Variants in TMEM86B observed in about 807,000 individuals in gnomAD.
TMEM86B encodes the protein transmembrane protein 86B.
In TMEM86B, 15 loss-of-function variants were observed where a neutral mutation model predicts 12.3. The observed-to-expected ratio is 1.22, with a 90% CI of 0.81 to 1.87. The LOEUF is 1.87. Among genes scored for constraint, TMEM86B ranks in the 40% most tolerant of loss-of-function variants. The pLI is 0.00. For missense variants in TMEM86B, 328 were observed against 297.4 expected (o/e 1.10, Z -0.76); for synonymous variants, 173 against 140.3 (o/e 1.23, Z -1.65).
rs1568940635 is a variant in TMEM86B at position 55,228,372 on chromosome 19, C to A, written c.117G>T (p.Trp39Cys). ...ILSCCVYFCL[W>C]IPEDQLSWFA... ...ACCAGGACAGCTGGTCCTCGGGAATCCAGAGGCAGAAGTACACGCAGCAGG... is the reference window on the plus strand; with the variant it reads ...ACCAGGACAGCTGGTCCTCGGGAATACAGAGGCAGAAGTACACGCAGCAGG... The change falls in exon 2 of 3, where the codon TGG becomes TGT. Residue 39 changes from tryptophan (W) to cysteine (C), a missense_variant. Trp to Cys is a radical substitution (Grantham distance 215). Transcript: ENST00000327042. 6.2e-7 allele frequency: 1 copy of A among 1,613,922 alleles called. No homozygotes were observed. Among genetic ancestry groups the A allele is most frequent in the East Asian group, 2.2e-5 (1 of 44,880 alleles).
rs1054233900 is a variant in TMEM86B, at chr19:55,227,571, G to A, written c.299-8C>T. ...TGGCAAAGGCGGCCATGCCTGGCGG[G>A]AGAGGGGTGGGGTACCAGTGAGGAA... is the stretch of plus-strand genomic sequence containing the variant. On this transcript the variant is annotated splice_polypyrimidine_tract_variant and splice_region_variant and intron_variant, in intron 2 of 2. Coordinates refer to ENST00000327042, the MANE Select transcript of TMEM86B (RefSeq NM_173804.5). 2 of 1,517,254 alleles carry A rather than the reference G, an allele frequency of 1.3e-6. No individual in the cohort carries two copies. Among genetic ancestry groups the A allele is most frequent in the Middle Eastern group, 2.3e-4 (1 of 4,430 alleles). The allele number at this position is 1,517,254 out of a possible 1,614,324, so 94.0% of individuals were successfully genotyped here.
At chr19:55,228,616 C>T (rs113343347) in intron 1 of TMEM86B, 75 bp downstream of exon 1, 4 of 1,549,368 alleles carry the variant, frequency 2.6e-6, no homozygotes, top group African/African-American at 1.4e-5. Context: ...AGGACAGCAG[C>T]TCCCAGACCC....
At chr19:55,227,699 C>T (rs768136750) in intron 2 of TMEM86B, 136 bp from the exon 3 acceptor site, 41 of 1,155,896 alleles carry the variant, frequency 3.5e-5, no homozygotes, top group Non-Finnish European at 4.7e-5. Context: ...TGCAGGTCTC[C>T]CCACATGCAG....
Position 55,228,416 on chromosome 19 carries a change from G to A in TMEM86B, c.73C>T (p.Leu25=), listed in dbSNP as rs1432000911. 6.2e-7 allele frequency: 1 copy of A among 1,612,834 alleles called. No individual in the cohort carries two copies. Residue 25 remains leucine (L), a synonymous_variant, in exon 2 of 3, where the codon CTG becomes TTG. Transcript: ENST00000327042. ...CAGCAGGAGAGGATGAAGGGGCTCA[G>A]CCACCTGCAGACATCTGGGCGCTTT... ...SAQRPDVCRW[L]SPFILSCCVY...
intron 1 of TMEM86B, 53 bp downstream of exon 1, chr19:55,228,638 G>T: frequency 6.3e-7 from 1 of 1,585,370 alleles, no homozygotes; most frequent in Non-Finnish European, 8.6e-7. Flanking sequence ...CCGGCTGCTG[G>T]GGTTCCAGGG....
rs1455056086 is a variant in TMEM86B at position 55,227,105 on chromosome 19, C to CAGGCT, written c.*71_*75dup. The CAGGCT allele has an allele frequency of 7.3e-7, 1 of 1,362,376 alleles. No individual in the cohort carries two copies. The highest frequency in any genetic ancestry group is 9.5e-7 in the Non-Finnish European group (1 of 1,049,134). 84.4% of individuals were successfully genotyped at this position (1,362,376 alleles called of 1,614,324 possible). A position where few individuals can be genotyped will look rare whatever the true frequency, so the allele number is the denominator to read the frequency against. On this transcript the variant is annotated 3_prime_UTR_variant, in exon 3 of 3. Coordinates refer to ENST00000327042, the MANE Select transcript of TMEM86B (RefSeq NM_173804.5). ...AAGCTTCGCTGCTGAGGGTATTTCT[C>CAGGCT]AGGCTGGGCTGGGCTGGGAGGCCCA...
chr19:55,228,056 G>A, intron 2 of TMEM86B, 135 bp downstream of exon 2: 1 of 1,410,304 alleles, frequency 7.1e-7, no homozygotes, highest in Non-Finnish European at 9.3e-7. Context: ...AGCTGCCTCG[G>A]TCACGGCTGC....
Position 55,228,683 on chromosome 19 carries a change from G to A in TMEM86B, c.51+8C>T. ...CCCAGCCCCAGGCACAGCTCAGAAGGCTCTCACCTGGGCTGAGCAGTGAGT... is the reference window on the plus strand; with the variant it reads ...CCCAGCCCCAGGCACAGCTCAGAAGACTCTCACCTGGGCTGAGCAGTGAGT... On this transcript the variant is annotated splice_region_variant and intron_variant, in intron 1 of 2. Transcript: ENST00000327042. The A allele has an allele frequency of 1.2e-6, 2 of 1,611,934 alleles. No individual in the cohort carries two copies. The highest frequency in any genetic ancestry group is 1.7e-5 in the Admixed American group (1 of 59,952).
At chr19:55,227,705 T>G (rs1008432891) in intron 2 of TMEM86B, 142 bp from the exon 3 acceptor site, 46 of 1,114,912 alleles carry the variant, frequency 4.1e-5, no homozygotes, top group Non-Finnish European at 5.1e-5. Flanking sequence ...TCTCCCCACA[T>G]GCAGTGTCCA....
chr19:55,227,428 G>A lies in TMEM86B; in HGVS notation c.434C>T (p.Pro145Leu), dbSNP rs201786694. ...GGCTGCCACCGGCAGGACCATATCC[G>A]GCTCGAGGTGCTGGAGCACAAGGCT... ...YLSLVLQHLEPDMVLPVAAYG... is the reference protein window; with the variant it reads ...YLSLVLQHLELDMVLPVAAYG... The change falls in exon 3 of 3, where the codon CCG becomes CTG. Residue 145 changes from proline (P) to leucine (L), a missense_variant. Pro to Leu is a moderately conservative substitution (Grantham distance 98). Coordinates refer to ENST00000327042, the MANE Select transcript of TMEM86B (RefSeq NM_173804.5). The A allele has an allele frequency of 3.4e-5, 54 of 1,569,822 alleles. No individual in the cohort carries two copies. The highest frequency in any genetic ancestry group is 2.7e-4 in the African/African-American group (20 of 74,254).
In TMEM86B at chr19:55,228,424, C is replaced by T; in HGVS notation, c.65G>A (p.Cys22Tyr). Reference sequence around the variant, plus strand: ...GAGGATGAAGGGGCTCAGCCACCTGCAGACATCTGGGCGCTTTGGGGAGTG... The same window carrying T: ...GAGGATGAAGGGGCTCAGCCACCTGTAGACATCTGGGCGCTTTGGGGAGTG... The part of the protein sequence containing the change: ...THCSAQRPDV[C>Y]RWLSPFILSC... The change falls in exon 2 of 3, where the codon TGC becomes TAC. Residue 22 changes from cysteine (C) to tyrosine (Y), a missense_variant. Transcript: ENST00000327042. 6.2e-7 allele frequency: 1 copy of T among 1,612,490 alleles called. No homozygotes were observed. Among genetic ancestry groups the T allele is most frequent in the Non-Finnish European group, 8.5e-7 (1 of 1,179,998 alleles).
intron 1 of TMEM86B, 94 bp downstream of exon 1, chr19:55,228,593 CCCAA>C: frequency 1.3e-6 from 2 of 1,529,062 alleles, no homozygotes; most frequent in Non-Finnish European, 8.8e-7. Context: ...CTTCCCAGGG[CCCAA>C]CCAACTCAAG....
Position 55,226,871 on chromosome 19 carries a change from G to A in TMEM86B, c.*310C>T, listed in dbSNP as rs565572920. On this transcript the variant is annotated 3_prime_UTR_variant, in exon 3 of 3. Coordinates refer to ENST00000327042, the MANE Select transcript of TMEM86B (RefSeq NM_173804.5). ...CGGATTCAGAGCAGCAGCAGGGGGC[G>A]GGCAGGCTGTGGGGCCGACAGTGAA... The A allele has an allele frequency of 2.9e-5, 9 of 313,688 alleles. No individual in the cohort carries two copies. Among genetic ancestry groups the A allele is most frequent in the South Asian group, 2.6e-4 (2 of 7,754 alleles). The allele number at this position is 313,688 out of a possible 1,614,324, so 19.4% of individuals were successfully genotyped here.
Position 55,228,266 on chromosome 19 carries a change from G to A in TMEM86B, c.223C>T (p.Gln75Ter). The part of the protein sequence containing the change: ...WVMSPSGGYT[Q>*]LLQGALVCSA... ...CACACAAGGGCTCCCTGGAGGAGCT[G>A]GGTGTAGCCCCCGCTTGGGGACATG... Residue 75 changes from glutamine (Q) to a stop codon, truncating the protein, a stop_gained, in exon 2 of 3, where the codon CAG becomes TAG. Coordinates refer to ENST00000327042, the MANE Select transcript of TMEM86B (RefSeq NM_173804.5). LOFTEE classifies it high-confidence loss of function. 2 of 1,612,988 alleles carry A rather than the reference G, an allele frequency of 1.2e-6. No individual in the cohort carries two copies. The highest frequency in any genetic ancestry group is 1.7e-4 in the Middle Eastern group (1 of 6,038).
rs555288137 is a variant in TMEM86B, at chr19:55,228,067, G to GC, written c.298+123dup. 2.1e-4 allele frequency: 297 copies of GC among 1,428,702 alleles called. 2 individuals are homozygous for GC. The East Asian group carries it at 6.1e-3, about 29-fold the overall frequency. 88.5% of individuals were successfully genotyped at this position (1,428,702 alleles called of 1,614,324 possible). ...CGTGAGCTGCCTCGGTCACGGCTGC[G>GC]CCCCCCACTGTGCCTTTGACCACTG... is the stretch of plus-strand genomic sequence containing the variant. On this transcript the variant is annotated intron_variant, in intron 2 of 2. Transcript: ENST00000327042.
intron 1 of TMEM86B, 61 bp from the exon 2 acceptor site, chr19:55,228,498 GAT>G: frequency 6.3e-7 from 1 of 1,593,466 alleles, no homozygotes; most frequent in African/African-American, 1.3e-5. Context: ...TTGGGACTCA[GAT>G]CTCATGGCTC....
rs2087290117 is a variant in TMEM86B at position 55,227,241 on chromosome 19, A to ATAG, written c.618_620dup (p.Tyr207dup). On this transcript the variant is annotated inframe_insertion, in exon 3 of 3. Coordinates refer to ENST00000327042, the MANE Select transcript of TMEM86B (RefSeq NM_173804.5). The stretch of plus-strand genomic sequence containing the variant: ...ACAGTGTGATGAGGAGCTGGGCAGC[A>ATAG]TAGTAGGTGGTCATGATCACCAGGT... 4 of 1,594,534 alleles carry ATAG rather than the reference A, an allele frequency of 2.5e-6. No individual in the cohort carries two copies. In the African/African-American group the frequency reaches 4.0e-5, roughly 16 times the overall value.
chr19:55,228,274 C>T lies in TMEM86B; in HGVS notation c.215G>A (p.Gly72Asp), dbSNP rs781137549. 5 of 1,612,938 alleles carry T rather than the reference C, an allele frequency of 3.1e-6. No homozygotes were observed. Among genetic ancestry groups the T allele is most frequent in the South Asian group, 1.1e-5 (1 of 90,982 alleles). The change falls in exon 2 of 3, where the codon GGC becomes GAC. Residue 72 changes from glycine to aspartate, a missense_variant. Coordinates refer to ENST00000327042, the MANE Select transcript of TMEM86B (RefSeq NM_173804.5). Reference sequence around the variant, plus strand: ...GGCTCCCTGGAGGAGCTGGGTGTAGCCCCCGCTTGGGGACATGACCCACAG... The same window carrying T: ...GGCTCCCTGGAGGAGCTGGGTGTAGTCCCCGCTTGGGGACATGACCCACAG... ...GFLWVMSPSG[G>D]YTQLLQGALV...
chr19:55,227,461 G>C lies in TMEM86B; in HGVS notation c.401C>G (p.Pro134Arg). Residue 134 changes from proline to arginine, a missense_variant, in exon 3 of 3, where the codon CCC (proline) becomes CGC (arginine). Physicochemically the swap from Pro to Arg is moderately radical, Grantham distance 103. Coordinates refer to ENST00000327042, the MANE Select transcript of TMEM86B (RefSeq NM_173804.5). ...GTGCTGGAGCACAAGGCTGAGGTAG[G>C]GGCCAGGGGCCAGGATGATGAGCAG... Reference protein sequence around the residue: ...LLLLIILAPGPYLSLVLQHLE... With the variant: ...LLLLIILAPGRYLSLVLQHLE... 1.3e-6 allele frequency: 2 copies of C among 1,556,108 alleles called. No individual in the cohort carries two copies. The highest frequency in any genetic ancestry group is 1.7e-6 in the Non-Finnish European group (2 of 1,149,506).
Sources: gnomAD v4.1 joint callset for allele counts on GRCh38, gnomAD v4.1.1 for gene constraint, MANE v1.5 for transcripts, NCBI Gene and HGNC (gene_info 2026-07-23, HGNC 2026-07-21) for gene names.